AKAP13: variants seen among roughly 807,000 people sequenced by gnomAD.
AKAP13 encodes A-kinase anchor protein 13.
Under a neutral mutation model 264.5 loss-of-function variants are expected in AKAP13, and 80 were observed. The ratio of observed to expected loss-of-function variants is 0.30; its 90% CI spans 0.25 to 0.36. The LOEUF (loss-of-function observed/expected upper bound fraction) is 0.36. Among genes scored for constraint, AKAP13 ranks in the 10% least tolerant of loss-of-function variants. The probability of loss-of-function intolerance (pLI) is 1.00; values close to 1 mark genes in which losing one functional copy is unlikely to be tolerated. For synonymous variants in AKAP13, 1,380 were observed against 1,250.2 expected (o/e 1.10, Z -2.19); for missense variants, 3,712 against 3,435.2 (o/e 1.08, Z -2.01).
intron 11 of AKAP13, among the ~76,000 whole-genome samples, chr15:85,658,086 C>T (rs2151526669): frequency 6.6e-6 from 1 of 152,200 alleles, no homozygotes; most frequent in South Asian, 2.1e-4. Flanking sequence ...ATGGGATCTC[C>T]TGTTTGAATT....
chr15:85,702,693 G>C (rs2086004359), intron 17 of AKAP13: 1 of 152,182 alleles, frequency 6.6e-6, no homozygotes, highest in South Asian at 2.1e-4. Flanking sequence ...AGTCCATCAT[G>C]ATGATATGTT....
chr15:85,649,692 A>C (rs1416439476), intron 10 of AKAP13, among the ~76,000 whole-genome samples: 7 of 152,100 alleles, frequency 4.6e-5, no homozygotes, highest in Non-Finnish European at 8.8e-5. Context: ...CTCTTTAGTG[A>C]GTGTTATGAG....
intron 2 of AKAP13, among the ~76,000 whole-genome samples, chr15:85,517,740 GT>G (rs1437127541): frequency 6.6e-6 from 1 of 152,080 alleles, no homozygotes; most frequent in East Asian, 1.9e-4. Flanking sequence ...TTATATGGGG[GT>G]GGGGGGAGCT....
chr15:85,595,438 C>T (rs1266445380), intron 8 of AKAP13, among the ~76,000 whole-genome samples: 1 of 152,046 alleles, frequency 6.6e-6, no homozygotes, highest in Non-Finnish European at 1.5e-5. Flanking sequence ...ATCCTTTTTG[C>T]CCTCAGCATA....
At chr15:85,700,291 C>G (rs2085834566) in intron 17 of AKAP13, among the ~76,000 whole-genome samples, 1 of 152,114 alleles carries the variant, frequency 6.6e-6, no homozygotes, top group South Asian at 2.1e-4. Context: ...TTTTTGCTTT[C>G]TTGATATGTC....
intron 12 of AKAP13, 102 bp from the exon 13 acceptor site, chr15:85,664,461 A>T: frequency 8.3e-7 from 1 of 1,202,624 alleles, no homozygotes; most frequent in Middle Eastern, 2.9e-4. Flanking sequence ...TGACATAGAA[A>T]TAATACACAA....
At chr15:85,439,737 G>A (rs1011502557) in intron 1 of AKAP13, among the ~76,000 whole-genome samples, 19 of 142,240 alleles carry the variant, frequency 1.3e-4, no homozygotes, top group Middle Eastern at 3.6e-3. Flanking sequence ...ACCAAACACC[G>A]CATATTCTCA....
intron 4 of AKAP13, among the ~76,000 whole-genome samples, chr15:85,537,963 A>G (rs2077454990): frequency 1.3e-5 from 2 of 152,202 alleles, no homozygotes; most frequent in Non-Finnish European, 2.9e-5. Context: ...AAGCTTCTAC[A>G]CATTGTACTG....
chr15:85,710,022 C>A (rs913157160), intron 18 of AKAP13, among the ~76,000 whole-genome samples: 11 of 152,178 alleles, frequency 7.2e-5, no homozygotes, highest in Non-Finnish European at 1.6e-4. Flanking sequence ...TAACCTATTT[C>A]TTCTAATGAT....
chr15:85,512,033 C>T (rs1437629042), intron 2 of AKAP13, among the ~76,000 whole-genome samples: 2 of 151,846 alleles, frequency 1.3e-5, no homozygotes, highest in Non-Finnish European at 2.9e-5. Context: ...CAGTATATAC[C>T]ACATAAGACT....
chr15:85,390,587 G>A (rs936862043), intron 1 of AKAP13, among the ~76,000 whole-genome samples: 2 of 152,178 alleles, frequency 1.3e-5, no homozygotes, highest in African/African-American at 2.4e-5. Context: ...GTTGATTTAG[G>A]CTTTAAAAAC....
At chr15:85,444,267 A>G (rs1303098247) in intron 1 of AKAP13, among the ~76,000 whole-genome samples, 3 of 152,212 alleles carry the variant, frequency 2.0e-5, no homozygotes, top group African/African-American at 2.4e-5. Context: ...AACTCAGGCT[A>G]GAGTGGAGCA....
At chr15:85,661,767 C>T (rs1457658661) in intron 12 of AKAP13, among the ~76,000 whole-genome samples, 1 of 152,090 alleles carries the variant, frequency 6.6e-6, no homozygotes, top group African/African-American at 2.4e-5. Flanking sequence ...AATATATAAT[C>T]AGTGTTATAT....
At chr15:85,533,961 GT>G in intron 4 of AKAP13, 81 bp downstream of exon 4, 1 of 1,406,580 alleles carries the variant, frequency 7.1e-7, no homozygotes, top group Non-Finnish European at 9.5e-7. Context: ...CTTTTCTATG[GT>G]CATCATATTC....
chr15:85,386,298 G>C (rs2070558334), intron 1 of AKAP13, among the ~76,000 whole-genome samples: 1 of 151,516 alleles, frequency 6.6e-6, no homozygotes, highest in African/African-American at 2.4e-5. Flanking sequence ...CCTCCTACAA[G>C]TTATTATTTT....
intron 5 of AKAP13, among the ~76,000 whole-genome samples, chr15:85,563,561 G>T (rs777505549): frequency 5.3e-5 from 8 of 151,986 alleles, no homozygotes; most frequent in African/African-American, 9.7e-5. Context: ...TTTGCTCCTT[G>T]TTGCATTCAA....
Position 85,715,817 on chromosome 15 carries a change from G to T in AKAP13, c.5629G>T (p.Ala1877Ser), listed in dbSNP as rs139745053. 6.2e-7 allele frequency: 1 copy of T among 1,612,268 alleles called. No homozygotes were observed. Among genetic ancestry groups the T allele is most frequent in the Non-Finnish European group, 8.5e-7 (1 of 1,179,620 alleles). Residue 1877 changes from alanine (A) to serine (S), a missense_variant, in exon 20 of 37, where the codon GCA becomes TCA. Coordinates refer to ENST00000394518, the MANE Select transcript of AKAP13 (RefSeq NM_007200.5). The part of the protein sequence containing the change: ...PSQPKERPRS[A>S]VLLVDETATT... ...ACAGCCCAAGGAGCGTCCTCGGTCC[G>T]CAGTCCTCCTGGTGGATGAAACCGC...
chr15:85,553,142 A>G (rs1379762097), intron 5 of AKAP13, among the ~76,000 whole-genome samples: 2 of 135,744 alleles, frequency 1.5e-5, no homozygotes, highest in African/African-American at 5.6e-5. Flanking sequence ...TTTGGAGTGC[A>G]ATGGCGCGAT....
At chr15:85,559,793 TA>T (rs1257557153) in intron 5 of AKAP13, among the ~76,000 whole-genome samples, 2 of 129,538 alleles carry the variant, frequency 1.5e-5, no homozygotes, top group South Asian at 4.4e-4. Flanking sequence ...AGCCTGCACT[TA>T]CTTCCTACTG....
Sources: allele counts gnomAD v4.1 joint callset (sites outside exome capture counted in the v4.1 genomes callset), GRCh38; gene constraint gnomAD v4.1.1; transcripts MANE v1.5; gene names NCBI Gene and HGNC (gene_info 2026-07-23, HGNC 2026-07-21).